Variants in TEAD1 observed in about 807,000 individuals in gnomAD.
TEAD1 encodes transcriptional enhancer factor TEF-1.
A neutral mutation model predicts 54.9 loss-of-function variants in TEAD1; 9 were observed. That is an observed-to-expected ratio of 0.16 (90% confidence interval 0.10 to 0.29). The LOEUF (loss-of-function observed/expected upper bound fraction) is 0.29, where lower values mean the gene tolerates loss of function less well. Among genes scored for constraint, TEAD1 ranks in the 10% least tolerant of loss-of-function variants. The pLI is 1.00. For missense variants in TEAD1, 387 were observed against 535.9 expected (o/e 0.72, Z 2.74); for synonymous variants, 200 against 187.8 (o/e 1.07, Z -0.53).
chr11:12,798,853 A>G (rs956865098), intron 3 of TEAD1, among the ~76,000 whole-genome samples: 1 of 152,200 alleles, frequency 6.6e-6, no homozygotes, highest in African/African-American at 2.4e-5. Flanking sequence ...CATCCTACTC[A>G]TGAGGGAAGC....
chr11:12,863,938 G>C (rs1377169042), intron 4 of TEAD1, among the ~76,000 whole-genome samples: 2 of 152,056 alleles, frequency 1.3e-5, no homozygotes. Context: ...AATCCATGTG[G>C]TTTTCAACCC....
At chr11:12,761,666 A>T (rs559110574) in intron 2 of TEAD1, among the ~76,000 whole-genome samples, 2 of 152,292 alleles carry the variant, frequency 1.3e-5, no homozygotes, top group South Asian at 4.1e-4. Context: ...GATGGTTTCT[A>T]GTCTGGAAGA....
At chr11:12,749,760 G>A (rs1944827572) in intron 2 of TEAD1, among the ~76,000 whole-genome samples, 1 of 152,190 alleles carries the variant, frequency 6.6e-6, no homozygotes, top group Non-Finnish European at 1.5e-5. Context: ...AGGTGCTCCA[G>A]TAATATTTGT....
intron 2 of TEAD1, 50 bp from the exon 3 acceptor site, chr11:12,764,129 T>C: frequency 8.4e-7 from 1 of 1,186,566 alleles, no homozygotes; most frequent in Non-Finnish European, 1.2e-6. Flanking sequence ...GCAAGAGCAT[T>C]ATGTTTGTGG....
intron 2 of TEAD1, among the ~76,000 whole-genome samples, chr11:12,712,628 A>G (rs1019534821): frequency 6.6e-6 from 1 of 152,150 alleles, no homozygotes; most frequent in African/African-American, 2.4e-5. Flanking sequence ...TATTACCACC[A>G]CCGCCATCAC....
intron 3 of TEAD1, among the ~76,000 whole-genome samples, chr11:12,787,632 T>C (rs1245117126): frequency 2.6e-5 from 4 of 152,232 alleles, no homozygotes; most frequent in Non-Finnish European, 4.4e-5. Flanking sequence ...AAGAGTGAGC[T>C]GGCTATATAA....
At chr11:12,710,978 G>C (rs766991765) in intron 2 of TEAD1, among the ~76,000 whole-genome samples, 2 of 152,172 alleles carry the variant, frequency 1.3e-5, no homozygotes, top group African/African-American at 4.8e-5. Context: ...GGAGGCCCCC[G>C]CCATTTTGGG....
chr11:12,772,102 A>G (rs1945324209), intron 3 of TEAD1, among the ~76,000 whole-genome samples: 1 of 152,202 alleles, frequency 6.6e-6, no homozygotes, highest in African/African-American at 2.4e-5. Flanking sequence ...TGAGCAGAGA[A>G]TGAGGCTAAC....
chr11:12,757,317 C>G (rs1040322625), intron 2 of TEAD1, among the ~76,000 whole-genome samples: 1 of 152,188 alleles, frequency 6.6e-6, no homozygotes, highest in African/African-American at 2.4e-5. Flanking sequence ...TCCCATATCT[C>G]TTTCCCTGTA....
intron 2 of TEAD1, among the ~76,000 whole-genome samples, chr11:12,762,816 G>A (rs7932367): frequency 0.034 from 5,217 of 152,230 alleles, 324 homozygotes; most frequent in African/African-American, 0.12. Flanking sequence ...GAGAGAGCAG[G>A]GAGGAAGACA....
chr11:12,851,729 G>A (rs1242730298), intron 3 of TEAD1, among the ~76,000 whole-genome samples: 2 of 152,004 alleles, frequency 1.3e-5, no homozygotes, highest in Non-Finnish European at 2.9e-5. Context: ...GAACCCAGGA[G>A]GCAGAGGTGA....
intron 3 of TEAD1, among the ~76,000 whole-genome samples, chr11:12,842,304 C>T (rs186305094): frequency 6.6e-6 from 1 of 152,296 alleles, no homozygotes; most frequent in Non-Finnish European, 1.5e-5. Flanking sequence ...CTATTGAAAA[C>T]CCTTACACTG....
chr11:12,867,138 GT>G (rs1241621284), intron 5 of TEAD1, among the ~76,000 whole-genome samples: 2 of 152,170 alleles, frequency 1.3e-5, no homozygotes, highest in East Asian at 3.8e-4. Flanking sequence ...AGCCTTCCTA[GT>G]AAGTGGTGAA....
intron 3 of TEAD1, among the ~76,000 whole-genome samples, chr11:12,850,692 T>G (rs1473397467): frequency 1.3e-5 from 2 of 152,232 alleles, no homozygotes; most frequent in Non-Finnish European, 2.9e-5. Context: ...TCATTAAAGA[T>G]TCTTCATTAT....
intron 3 of TEAD1, among the ~76,000 whole-genome samples, chr11:12,773,083 T>G (rs1380977547): frequency 6.6e-6 from 1 of 152,208 alleles, no homozygotes; most frequent in Non-Finnish European, 1.5e-5. Context: ...CCCGGGAGAT[T>G]CATCCAGGTT....
intron 10 of TEAD1, among the ~76,000 whole-genome samples, chr11:12,920,351 T>C (rs538333030): frequency 1.3e-5 from 2 of 152,314 alleles, no homozygotes; most frequent in African/African-American, 4.8e-5. Context: ...TTTAAAATTA[T>C]ATATATTGAC....
chr11:12,878,800 C>T (rs1279188587), intron 5 of TEAD1: 12 of 753,866 alleles, frequency 1.6e-5, no homozygotes, highest in Admixed American at 3.1e-5. Context: ...TATATATACA[C>T]ATATATATAT....
intron 3 of TEAD1, among the ~76,000 whole-genome samples, chr11:12,817,250 T>G (rs1027912837): frequency 2.6e-5 from 4 of 152,212 alleles, no homozygotes; most frequent in Admixed American, 2.6e-4. Flanking sequence ...ATGCGTAGCT[T>G]GAAATAATTC....
chr11:12,932,654 A>G (rs892448583), intron 12 of TEAD1, among the ~76,000 whole-genome samples: 1 of 152,184 alleles, frequency 6.6e-6, no homozygotes, highest in African/African-American at 2.4e-5. Context: ...ATGGAGGTGA[A>G]AAATTCCTGT....
Sources: allele counts gnomAD v4.1 joint callset (sites outside exome capture counted in the v4.1 genomes callset), GRCh38; gene constraint gnomAD v4.1.1; transcripts MANE v1.5; gene names NCBI Gene and HGNC (gene_info 2026-07-23, HGNC 2026-07-21).